ASB17: variants seen among roughly 807,000 people sequenced by gnomAD.
The protein encoded by ASB17 is ankyrin repeat and SOCS box containing 17, also known as ankyrin repeat and SOCS box protein 17.
Under a neutral mutation model 25.7 loss-of-function variants are expected in ASB17, and 26 were observed. That is an observed-to-expected ratio of 1.01 (90% CI 0.74 to 1.40). The LOEUF is 1.40. ASB17 is among the 40% of genes most tolerant of loss of function. ASB17 has a pLI of 0.00. For synonymous variants in ASB17, 128 were observed against 121.4 expected (o/e 1.05, Z -0.36); for missense variants, 326 against 338.5 (o/e 0.96, Z 0.29).
At chr1:75,928,951 GA>G (rs1203244715) in intron 1 of ASB17, among the ~76,000 whole-genome samples, 1 of 152,200 alleles carries the variant, frequency 6.6e-6, no homozygotes, top group Non-Finnish European at 1.5e-5. Context: ...GGCTTCTTTA[GA>G]TTGTGTGAGT....
rs761821157 is a variant in ASB17, at chr1:75,932,046, T to C, written c.246A>G (p.Glu82=). 1.5e-5 allele frequency: 24 copies of C among 1,614,022 alleles called. No homozygotes were observed. The highest frequency in any genetic ancestry group is 1.7e-5 in the Non-Finnish European group (20 of 1,180,010). The change falls in exon 1 of 3, where the codon GAA becomes GAG. Residue 82 remains glutamate (E), a synonymous_variant. Coordinates refer to ENST00000284142, the MANE Select transcript of ASB17 (RefSeq NM_080868.3). ...CAGTGAAGTCGAGGTTAAAACTTACTTCAAAACGGTATCCTGATTTTTCCA... is the reference window on the plus strand; with the variant it reads ...CAGTGAAGTCGAGGTTAAAACTTACCTCAAAACGGTATCCTGATTTTTCCA... ...AFVEKSGYRF[E]VSFNLDFTEI...
At chr1:75,924,403 C>T (rs760807555) in intron 1 of ASB17, among the ~76,000 whole-genome samples, 4 of 152,164 alleles carry the variant, frequency 2.6e-5, no homozygotes, top group Admixed American at 6.5e-5. Flanking sequence ...CTTCACCAAA[C>T]GCTGACATGC....
intron 1 of ASB17, among the ~76,000 whole-genome samples, chr1:75,925,228 T>C (rs1273430950): frequency 1.3e-5 from 2 of 152,064 alleles, no homozygotes; most frequent in Admixed American, 1.3e-4. Flanking sequence ...CTAACAAGAT[T>C]TTTGTTGATA....
intron 1 of ASB17, among the ~76,000 whole-genome samples, chr1:75,930,361 AAT>A (rs5775314): frequency 0.12 from 17,762 of 145,190 alleles, 1,215 homozygotes; most frequent in East Asian, 0.26. Flanking sequence ...TATAAATATA[AAT>A]ATATATATAT....
intron 1 of ASB17, 125 bp from the exon 2 acceptor site, chr1:75,922,484 GTTTCT>G (rs1653057439): frequency 1.5e-4 from 25 of 172,114 alleles, no homozygotes; most frequent in Middle Eastern, 1.7e-3. Context: ...AACTTTATAT[GTTTCT>G]TTTTTTTTTT....
intron 1 of ASB17, 129 bp from the exon 2 acceptor site, chr1:75,922,488 C>T (rs879141834): frequency 4.7e-3 from 575 of 122,180 alleles, no homozygotes; most frequent in Middle Eastern, 0.01. Flanking sequence ...TTATATGTTT[C>T]TTTTTTTTTT....
intron 1 of ASB17, among the ~76,000 whole-genome samples, chr1:75,930,799 C>T (rs1398486668): frequency 1.3e-5 from 2 of 151,988 alleles, no homozygotes; most frequent in African/African-American, 4.8e-5. Context: ...TTTTCTTTCC[C>T]GTGGACCTTC....
intron 2 of ASB17, among the ~76,000 whole-genome samples, chr1:75,919,992 CT>C (rs1212207575): frequency 6.6e-6 from 1 of 152,214 alleles, no homozygotes; most frequent in Non-Finnish European, 1.5e-5. Context: ...ATTTTATCAA[CT>C]TCTTCCTGAA....
At chr1:75,930,792 T>TC (rs1399477328) in intron 1 of ASB17, among the ~76,000 whole-genome samples, 1 of 152,218 alleles carries the variant, frequency 6.6e-6, no homozygotes, top group Non-Finnish European at 1.5e-5. Context: ...CCTCAATTTT[T>TC]CTTTCCCGTG....
chr1:75,931,409 C>T (rs1299175460), intron 1 of ASB17, among the ~76,000 whole-genome samples: 3 of 152,148 alleles, frequency 2.0e-5, no homozygotes, highest in Non-Finnish European at 4.4e-5. Flanking sequence ...ACTTGACCTT[C>T]ATTGTGCTCA....
Position 75,931,965 on chromosome 1 carries a change from G to C in ASB17, c.327C>G (p.Asp109Glu). The C allele has an allele frequency of 6.2e-7, 1 of 1,613,918 alleles. No homozygotes were observed. Among genetic ancestry groups the C allele is most frequent in the East Asian group, 2.2e-5 (1 of 44,862 alleles). ...YWVFARKGNP[D>E]FVELLLKKTK... ...TCTTCTTGAGAAGCAATTCCACAAAGTCAGGATTACCTTTTCTGGCAAAAA... is the reference window on the plus strand; with the variant it reads ...TCTTCTTGAGAAGCAATTCCACAAACTCAGGATTACCTTTTCTGGCAAAAA... Residue 109 changes from aspartate (D) to glutamate (E), a missense_variant, in exon 1 of 3, where the codon GAC (aspartate) becomes GAG (glutamate). Physicochemically the swap from Asp to Glu is conservative, Grantham distance 45. Coordinates refer to ENST00000284142, the MANE Select transcript of ASB17 (RefSeq NM_080868.3).
chr1:75,932,069 C>G lies in ASB17; in HGVS notation c.223G>C (p.Glu75Gln). Reference protein sequence around the residue: ...ALLTDYIAFVEKSGYRFEVSF... With the variant: ...ALLTDYIAFVQKSGYRFEVSF... ...ACTTCAAAACGGTATCCTGATTTTTCCACAAATGCAATGTAATCTGTGAGT... is the reference window on the plus strand; with the variant it reads ...ACTTCAAAACGGTATCCTGATTTTTGCACAAATGCAATGTAATCTGTGAGT... Residue 75 changes from glutamate to glutamine, a missense_variant, in exon 1 of 3, where the codon GAA becomes CAA. Glu to Gln is a conservative substitution (Grantham distance 29). Coordinates refer to ENST00000284142, the MANE Select transcript of ASB17 (RefSeq NM_080868.3). 2 of 1,614,036 alleles carry G rather than the reference C, an allele frequency of 1.2e-6. No individual in the cohort carries two copies. Among genetic ancestry groups the G allele is most frequent in the South Asian group, 1.1e-5 (1 of 91,058 alleles).
At chr1:75,931,508 T>G (rs560297526) in intron 1 of ASB17, among the ~76,000 whole-genome samples, 162 of 152,314 alleles carry the variant, frequency 1.1e-3, no homozygotes, top group Middle Eastern at 3.4e-3. Flanking sequence ...TGTGAAGATG[T>G]GTGCATGTTC....
Position 75,932,355 on chromosome 1 carries a change from C to T in ASB17, c.-64G>A, listed in dbSNP as rs1012899360. 8.4e-6 allele frequency: 12 copies of T among 1,426,704 alleles called. No individual in the cohort carries two copies. The African/African-American group carries it at 1.0e-4, about 12-fold the overall frequency. 88.4% of individuals were successfully genotyped at this position (1,426,704 alleles called of 1,614,324 possible). On this transcript the variant is annotated 5_prime_UTR_variant, in exon 1 of 3. An upstream start codon of the reference 5' UTR is lost. Transcript: ENST00000284142. ...TAAGCATACTGTAATCCTCCAGTTA[C>T]ATATTTTGACAATGTGGCAGGCTTT...
intron 1 of ASB17, among the ~76,000 whole-genome samples, chr1:75,926,234 T>A (rs1461283736): frequency 6.6e-6 from 1 of 152,164 alleles, no homozygotes; most frequent in South Asian, 2.1e-4. Context: ...ATGAACACAG[T>A]AAACAAGCAA....
chr1:75,931,473 C>A (rs1191222674), intron 1 of ASB17, among the ~76,000 whole-genome samples: 1 of 152,094 alleles, frequency 6.6e-6, no homozygotes, highest in Non-Finnish European at 1.5e-5. Context: ...AAATAGGGAA[C>A]TATTGTGTTT....
At chr1:75,919,739 G>T (rs796713692) in intron 2 of ASB17, among the ~76,000 whole-genome samples, 228 of 152,236 alleles carry the variant, frequency 1.5e-3, no homozygotes, top group African/African-American at 5.2e-3. Context: ...TGGCTGCATA[G>T]TATTCCATGG....
At position 75,930,361 on chromosome 1, in the gene ASB17, A is replaced by AAT. The variant is rs5775314; in HGVS notation, c.401+1528_401+1529dup. On this transcript the variant is annotated intron_variant, in intron 1 of 2. Coordinates refer to ENST00000284142, the MANE Select transcript of ASB17 (RefSeq NM_080868.3). The stretch of plus-strand genomic sequence containing the variant: ...ATAAATATATGTAAATATAAATATA[A>AAT]ATATATATATATATATAACACTAGG... 2.1e-3 allele frequency among the ~76,000 whole-genome samples: 301 copies of AAT among 145,278 alleles called. 3 individuals carry two copies. In the East Asian group the frequency reaches 0.026, roughly 13 times the overall value.
At position 75,919,425 on chromosome 1, in the gene ASB17, G is replaced by A. The variant is rs1652969857; in HGVS notation, c.682-267C>T. Among the ~76,000 whole-genome samples the A allele has an allele frequency of 2.0e-5, 3 of 151,714 alleles. No homozygotes were observed. In the South Asian group the frequency reaches 6.2e-4, roughly 32 times the overall value. On this transcript the variant is annotated intron_variant, in intron 2 of 2. Coordinates refer to ENST00000284142, the MANE Select transcript of ASB17 (RefSeq NM_080868.3). ...TTATACTTTAAGTTTTAGGGTACAT[G>A]TGCACAATGTGCAGGTTAGTTACAT...
Sources: allele counts gnomAD v4.1 joint callset (sites outside exome capture counted in the v4.1 genomes callset), GRCh38; gene constraint gnomAD v4.1.1; transcripts MANE v1.5; gene names NCBI Gene and HGNC (gene_info 2026-07-23, HGNC 2026-07-21).